IMMP2L: variants seen among roughly 807,000 people sequenced by gnomAD.
IMMP2L encodes mitochondrial inner membrane protease subunit 2.
In IMMP2L, 18 loss-of-function variants were observed where a neutral mutation model predicts 19.3. That is an observed-to-expected ratio of 0.93 (90% CI 0.64 to 1.38). IMMP2L has a LOEUF of 1.38. Ranked by LOEUF, IMMP2L falls within the 40% of genes most tolerant of loss-of-function variation. IMMP2L has a pLI of 0.00. For synonymous variants in IMMP2L, 76 were observed against 73.0 expected (o/e 1.04, Z -0.21); for missense variants, 233 against 218.2 (o/e 1.07, Z -0.43).
At chr7:111,124,516 C>T in intron 3 of IMMP2L, 1 of 1,613,776 alleles carries the variant, frequency 6.2e-7, no homozygotes, top group Non-Finnish European at 8.5e-7. Context: ...TAATCTTACT[C>T]ATCTGAATCC....
chr7:111,432,919 A>C (rs1312605892), intron 3 of IMMP2L, among the ~76,000 whole-genome samples: 1 of 151,308 alleles, frequency 6.6e-6, no homozygotes, highest in East Asian at 1.9e-4. Flanking sequence ...CTAGCCAAGA[A>C]CCAAATCAAG....
chr7:111,007,133 A>G (rs1167977806), intron 3 of IMMP2L, among the ~76,000 whole-genome samples: 2 of 152,082 alleles, frequency 1.3e-5, no homozygotes, highest in African/African-American at 4.8e-5. Flanking sequence ...CATGGCAGAA[A>G]GGGAAGCACG....
At chr7:111,263,631 GGT>G (rs1817548796) in intron 3 of IMMP2L, among the ~76,000 whole-genome samples, 1 of 152,062 alleles carries the variant, frequency 6.6e-6, no homozygotes, top group African/African-American at 2.4e-5. Flanking sequence ...GCATATCAAT[GGT>G]ATTTTTAAAC....
At chr7:111,374,025 T>G (rs1830468031) in intron 3 of IMMP2L, among the ~76,000 whole-genome samples, 1 of 151,980 alleles carries the variant, frequency 6.6e-6, no homozygotes, top group African/African-American at 2.4e-5. Flanking sequence ...GCTCTGACCC[T>G]TCCCATTTTA....
At chr7:111,491,334 A>G (rs1314126855) in intron 2 of IMMP2L, among the ~76,000 whole-genome samples, 1 of 152,086 alleles carries the variant, frequency 6.6e-6, no homozygotes, top group African/African-American at 2.4e-5. Context: ...AGTTATATGC[A>G]AATTTTTAAC....
At position 111,081,477 on chromosome 7, in the gene IMMP2L, A is replaced by T. The variant is rs547144021; in HGVS notation, c.240-117912T>A. ...CACCTCTTTGTAACAGTGGTCTTCC[A>T]AAGAGAGACTTGACCAACCTGTGCA... On this transcript the variant is annotated intron_variant, in intron 3 of 5. Coordinates refer to ENST00000405709, the MANE Select transcript of IMMP2L (RefSeq NM_032549.4). Among the ~76,000 whole-genome samples, 36 of 152,332 alleles carry T rather than the reference A, an allele frequency of 2.4e-4. No homozygotes were observed. The South Asian group carries it at 5.4e-3, about 23-fold the overall frequency.
chr7:111,176,273 C>G (rs1807052625), intron 3 of IMMP2L, among the ~76,000 whole-genome samples: 1 of 151,796 alleles, frequency 6.6e-6, no homozygotes, highest in African/African-American at 2.4e-5. Flanking sequence ...AGGTATACAC[C>G]CAAAAGAAAT....
At chr7:110,795,642 G>A (rs2131177715) in intron 5 of IMMP2L, among the ~76,000 whole-genome samples, 1 of 152,184 alleles carries the variant, frequency 6.6e-6, no homozygotes, top group Admixed American at 6.5e-5. Flanking sequence ...GGCACTGGAT[G>A]CACAGTCAAT....
At chr7:111,238,146 T>A (rs928960183) in intron 3 of IMMP2L, among the ~76,000 whole-genome samples, 1 of 152,036 alleles carries the variant, frequency 6.6e-6, no homozygotes, top group African/African-American at 2.4e-5. Flanking sequence ...GCCATTAGTA[T>A]TGCTTATGGA....
At chr7:111,498,959 G>A (rs1285814528) in intron 2 of IMMP2L, among the ~76,000 whole-genome samples, 12 of 151,396 alleles carry the variant, frequency 7.9e-5, no homozygotes, top group Non-Finnish European at 1.5e-4. Flanking sequence ...TAAAAAGGGG[G>A]AAAAAAGGAT....
chr7:111,514,499 C>T (rs1421906172), intron 2 of IMMP2L, among the ~76,000 whole-genome samples: 1 of 151,764 alleles, frequency 6.6e-6, no homozygotes, highest in African/African-American at 2.4e-5. Flanking sequence ...GCACATGTAC[C>T]CTAAAACTTA....
At chr7:111,489,998 A>G (rs1440700076) in intron 2 of IMMP2L, among the ~76,000 whole-genome samples, 2 of 151,098 alleles carry the variant, frequency 1.3e-5, no homozygotes, top group Non-Finnish European at 2.9e-5. Context: ...GGGTTTCACC[A>G]TATTGGCCAG....
intron 3 of IMMP2L, among the ~76,000 whole-genome samples, chr7:111,344,796 C>T (rs1003124363): frequency 2.6e-5 from 4 of 152,002 alleles, no homozygotes; most frequent in African/African-American, 7.2e-5. Flanking sequence ...AAAAGTAGAT[C>T]GCTGTTACCT....
chr7:111,334,885 T>G (rs1826239650), intron 3 of IMMP2L, among the ~76,000 whole-genome samples: 1 of 152,126 alleles, frequency 6.6e-6, no homozygotes, highest in Admixed American at 6.6e-5. Context: ...AAAGGTTGAT[T>G]CGGGGTAATA....
intron 4 of IMMP2L, among the ~76,000 whole-genome samples, chr7:110,899,505 A>G (rs1056624967): frequency 2.6e-5 from 4 of 152,180 alleles, no homozygotes; most frequent in Non-Finnish European, 5.9e-5. Context: ...TTAAATATAA[A>G]TAAGAATAAA....
rs565727619 is a variant in IMMP2L, at chr7:110,802,343, G to T, written c.408+84250C>A. On this transcript the variant is annotated intron_variant, in intron 5 of 5. Transcript: ENST00000405709. ...TGTGTATGTGTGTATGTGTGTGTGT[G>T]TGTGTGTGTGTGTGTGTGTGTGTGT... 3.4e-3 allele frequency among the ~76,000 whole-genome samples: 424 copies of T among 124,204 alleles called. 4 individuals are homozygous for T. Among genetic ancestry groups the T allele is most frequent in the African/African-American group, 0.012 (400 of 33,608 alleles). 81.5% of individuals were successfully genotyped at this position (124,204 alleles called of 152,430 possible).
intron 1 of IMMP2L, among the ~76,000 whole-genome samples, chr7:111,558,115 T>C (rs1049877699): frequency 2.0e-5 from 3 of 152,182 alleles, no homozygotes; most frequent in East Asian, 1.9e-4. Flanking sequence ...AGCGGAACAG[T>C]TGACAAAGAT....
intron 3 of IMMP2L, among the ~76,000 whole-genome samples, chr7:111,262,204 C>A (rs1181533155): frequency 6.6e-6 from 1 of 151,846 alleles, no homozygotes; most frequent in African/African-American, 2.4e-5. Flanking sequence ...AATCTATAAA[C>A]AAGATAAATA....
intron 4 of IMMP2L, among the ~76,000 whole-genome samples, chr7:110,915,214 TAAAC>T (rs1189424700): frequency 1.3e-5 from 2 of 152,170 alleles, no homozygotes; most frequent in East Asian, 3.8e-4. Flanking sequence ...GATTATCAGA[TAAAC>T]AAAATGTGAT....
Sources: allele counts gnomAD v4.1 joint callset (sites outside exome capture counted in the v4.1 genomes callset), GRCh38; gene constraint gnomAD v4.1.1; transcripts MANE v1.5; gene names NCBI Gene and HGNC (gene_info 2026-07-23, HGNC 2026-07-21).